The following PCDHGB6 variants were observed in gnomAD, a reference collection of about 807,000 sequenced individuals.
PCDHGB6 encodes protocadherin gamma-B6.
In PCDHGB6, 51 loss-of-function variants were observed where a neutral mutation model predicts 59.1. That is an observed-to-expected ratio of 0.86 (90% confidence interval 0.69 to 1.09). PCDHGB6 has a LOEUF of 1.09. PCDHGB6 is among the 50% of genes least tolerant of loss of function. PCDHGB6 has a pLI of 0.00. For synonymous variants in PCDHGB6, 466 were observed against 495.1 expected (o/e 0.94, Z 0.78); for missense variants, 1,148 against 1,205.1 (o/e 0.95, Z 0.70).
chr5:141,503,164 C>G (rs1262310388), intron 2 of PCDHGB6, among the ~76,000 whole-genome samples: 2 of 152,068 alleles, frequency 1.3e-5, no homozygotes, highest in East Asian at 3.9e-4. Flanking sequence ...ATCACAATTG[C>G]AATTACTCTA....
chr5:141,422,087 G>A, intron 1 of PCDHGB6: 6 of 1,611,966 alleles, frequency 3.7e-6, no homozygotes, highest in Non-Finnish European at 5.1e-6. Context: ...AACATGGAAA[G>A]CAAGGCTTCT....
chr5:141,423,348 C>G, intron 1 of PCDHGB6: 1 of 1,614,222 alleles, frequency 6.2e-7, no homozygotes. Flanking sequence ...TCTTCCTGGT[C>G]TTTGTCATCG....
chr5:141,436,700 C>T (rs2097841356), intron 1 of PCDHGB6, among the ~76,000 whole-genome samples: 1 of 152,166 alleles, frequency 6.6e-6, no homozygotes, highest in Non-Finnish European at 1.5e-5. Flanking sequence ...AATGCCAGCA[C>T]ACTCGATGTT....
intron 1 of PCDHGB6, among the ~76,000 whole-genome samples, chr5:141,458,663 G>A (rs1045303205): frequency 2.6e-5 from 4 of 151,804 alleles, no homozygotes; most frequent in Admixed American, 6.6e-5. Context: ...TCCACCTCTC[G>A]GGTTCAAGCA....
chr5:141,475,740 A>G (rs942793010), intron 1 of PCDHGB6, among the ~76,000 whole-genome samples: 4 of 152,280 alleles, frequency 2.6e-5, no homozygotes, highest in Non-Finnish European at 5.9e-5. Flanking sequence ...TCCCTAAGGT[A>G]GGTTTCCTAT....
chr5:141,451,314 G>A (rs1286009420), intron 1 of PCDHGB6, among the ~76,000 whole-genome samples: 1 of 152,218 alleles, frequency 6.6e-6, no homozygotes, highest in Non-Finnish European at 1.5e-5. Context: ...AGCAATTAAA[G>A]TGTCACCTAA....
intron 1 of PCDHGB6, chr5:141,420,067 A>C (rs2096463342): frequency 6.2e-7 from 1 of 1,614,034 alleles, no homozygotes; most frequent in Non-Finnish European, 8.5e-7. Flanking sequence ...CCAAGTCCGG[A>C]CCTGTGGGTC....
chr5:141,420,415 TAAAAC>T, intron 1 of PCDHGB6: 1 of 1,217,298 alleles, frequency 8.2e-7, no homozygotes, highest in Non-Finnish European at 1.1e-6. Flanking sequence ...TTATCATTAT[TAAAAC>T]AAAAGTTTAA....
intron 2 of PCDHGB6, among the ~76,000 whole-genome samples, chr5:141,502,139 C>T (rs923501238): frequency 6.6e-6 from 1 of 152,104 alleles, no homozygotes; most frequent in African/African-American, 2.4e-5. Flanking sequence ...TCAGTCGGGC[C>T]GGAAGTAAGG....
chr5:141,415,907 T>C, intron 1 of PCDHGB6: 1 of 779,592 alleles, frequency 1.3e-6, no homozygotes. Context: ...CAGACTTCCA[T>C]ACAGAAGTGC....
At chr5:141,465,905 G>C (rs938438286) in intron 1 of PCDHGB6, among the ~76,000 whole-genome samples, 8 of 151,958 alleles carry the variant, frequency 5.3e-5, no homozygotes, top group Non-Finnish European at 8.8e-5. Context: ...GGCAAATCAC[G>C]AGGTCAGGAT....
rs200868391 is a variant in PCDHGB6 at position 141,415,586 on chromosome 5, C to T, written c.2418+4966C>T. 540 of 1,613,746 alleles carry T rather than the reference C, an allele frequency of 3.3e-4. No individual in the cohort carries two copies. Among genetic ancestry groups the T allele is most frequent in the Non-Finnish European group, 4.5e-4 (527 of 1,179,996 alleles). ...TCTTTGTTAGATGATTCGAAGTTTCCTATAGAGGATACCCCATTGGTTCCA... is the reference window on the plus strand; with the variant it reads ...TCTTTGTTAGATGATTCGAAGTTTCTTATAGAGGATACCCCATTGGTTCCA... On this transcript the variant is annotated intron_variant, in intron 1 of 3. Coordinates refer to ENST00000520790, the MANE Select transcript of PCDHGB6 (RefSeq NM_018926.3).
chr5:141,432,707 G>T lies in PCDHGB6; in HGVS notation c.2418+22087G>T. The T allele has an allele frequency of 6.2e-7, 1 of 1,613,988 alleles. No homozygotes were observed. The highest frequency in any genetic ancestry group is 1.1e-5 in the South Asian group (1 of 91,080). ...CCTCGTAGTGGCCGTCCAGGACCAC[G>T]GCCAGCCCCCTCTCTCCGCCACTGT... On this transcript the variant is annotated intron_variant, in intron 1 of 3. Transcript: ENST00000520790. The surrounding 1 kb of genome is among the most constrained non-coding windows in gnomAD (Gnocchi z 6.0).
At position 141,485,287 on chromosome 5, in the gene PCDHGB6, G is replaced by A. The variant is rs1396496143; in HGVS notation, c.2419-9520G>A. 5.0e-6 allele frequency: 8 copies of A among 1,614,064 alleles called. No individual in the cohort carries two copies. The highest frequency in any genetic ancestry group is 6.8e-6 in the Non-Finnish European group (8 of 1,180,002). On this transcript the variant is annotated intron_variant, in intron 1 of 3. Transcript: ENST00000520790. The surrounding 1 kb of genome is among the most constrained non-coding windows in gnomAD (Gnocchi z 5.7). ...AGATCCGCTACCCGGTCCCAGAGGA[G>A]TCACAGGAAGGGACTTTTGTAGGGA...
In PCDHGB6 at chr5:141,432,250, A is replaced by G. The variant is rs777728825; in HGVS notation, c.2418+21630A>G. 2 of 1,614,234 alleles carry G rather than the reference A, an allele frequency of 1.2e-6. No homozygotes were observed. Among genetic ancestry groups the G allele is most frequent in the Admixed American group, 1.7e-5 (1 of 60,026 alleles). ...ATTCCCTGGCTGAGAACACCATCCA[A>G]GGGGCAAGCCTATCGTCCTACGTGT... On this transcript the variant is annotated intron_variant, in intron 1 of 3. Transcript: ENST00000520790. The surrounding 1 kb of genome is among the most constrained non-coding windows in gnomAD (Gnocchi z 6.0).
intron 1 of PCDHGB6, chr5:141,418,549 C>T: frequency 6.2e-7 from 1 of 1,614,024 alleles, no homozygotes; most frequent in Non-Finnish European, 8.5e-7. Context: ...AGATAAGAAT[C>T]CTGGTAATAG....
intron 1 of PCDHGB6, among the ~76,000 whole-genome samples, chr5:141,492,762 T>C (rs917580804): frequency 2.6e-5 from 4 of 152,206 alleles, no homozygotes; most frequent in African/African-American, 9.6e-5. Flanking sequence ...GGGCTCCGCG[T>C]TGGGCGAGTG....
chr5:141,492,720 A>G (rs1161942205), intron 1 of PCDHGB6, among the ~76,000 whole-genome samples: 1 of 152,256 alleles, frequency 6.6e-6, no homozygotes, highest in East Asian at 1.9e-4. Context: ...GCAGGCGGAC[A>G]GGCAGAGCTG....
intron 1 of PCDHGB6, among the ~76,000 whole-genome samples, chr5:141,483,124 G>A (rs1468216170): frequency 6.6e-6 from 1 of 152,154 alleles, no homozygotes; most frequent in East Asian, 1.9e-4. Flanking sequence ...GTCTTTGTAG[G>A]AGATGAGGTG....
Sources: gnomAD v4.1 joint callset for allele counts (sites outside exome capture counted in the v4.1 genomes callset) on GRCh38, gnomAD v4.1.1 for gene constraint, Gnocchi (gnomAD v3.1) non-coding constraint, MANE v1.5 for transcripts, NCBI Gene and HGNC (gene_info 2026-07-23, HGNC 2026-07-21) for gene names.